The following DLGAP2 variants were observed in gnomAD, a reference collection of about 807,000 sequenced individuals.
DLGAP2 encodes DLG associated protein 2.
A neutral mutation model predicts 100.3 loss-of-function variants in DLGAP2; 26 were observed. The ratio of observed to expected loss-of-function variants is 0.26; its 90% CI spans 0.19 to 0.36. The LOEUF is 0.36. DLGAP2 is among the 10% of genes least tolerant of loss of function. The pLI is 1.00. For missense variants in DLGAP2, 1,858 were observed against 1,453.2 expected (o/e 1.28, Z -4.53); for synonymous variants, 886 against 630.1 (o/e 1.41, Z -6.08).
chr8:1,555,121 C>T (rs1801916528), intron 5 of DLGAP2, among the ~76,000 whole-genome samples: 1 of 152,092 alleles, frequency 6.6e-6, no homozygotes, highest in South Asian at 2.1e-4. Context: ...TGTGGCCACA[C>T]CTCACTTCCA....
At chr8:1,326,786 A>G (rs1801032599) in intron 3 of DLGAP2, among the ~76,000 whole-genome samples, 1 of 152,186 alleles carries the variant, frequency 6.6e-6, no homozygotes, top group Non-Finnish European at 1.5e-5. Context: ...AGCTGTTTCC[A>G]TCTCTCATTT....
chr8:1,088,385 C>T (rs1210601018), intron 2 of DLGAP2, among the ~76,000 whole-genome samples: 1 of 151,112 alleles, frequency 6.6e-6, no homozygotes, highest in African/African-American at 2.4e-5. Flanking sequence ...AGGTGAAAAG[C>T]TTTTCTCCTC....
chr8:769,270 C>T (rs1821295481), intron 1 of DLGAP2, among the ~76,000 whole-genome samples: 3 of 152,090 alleles, frequency 2.0e-5, no homozygotes, highest in African/African-American at 4.8e-5. Flanking sequence ...TCTTGGGTCT[C>T]AGCAGGGAAG....
At chr8:912,409 G>T (rs1348124685) in intron 2 of DLGAP2, among the ~76,000 whole-genome samples, 1 of 152,276 alleles carries the variant, frequency 6.6e-6, no homozygotes. Context: ...CTGAAATCAG[G>T]TCCCCGCAGC....
At chr8:1,345,056 C>A (rs1388541453) in intron 3 of DLGAP2, among the ~76,000 whole-genome samples, 1 of 152,170 alleles carries the variant, frequency 6.6e-6, no homozygotes, top group African/African-American at 2.4e-5. Flanking sequence ...TTTGAAAGCT[C>A]AGTTATCTGG....
At chr8:938,897 C>G (rs562416216) in intron 2 of DLGAP2, among the ~76,000 whole-genome samples, 5 of 152,338 alleles carry the variant, frequency 3.3e-5, no homozygotes, top group African/African-American at 7.2e-5. Flanking sequence ...TGCCTTAAGC[C>G]CCGAGGAAGA....
In DLGAP2 at chr8:1,697,926, A is replaced by G. The variant is rs185088376; in HGVS notation, c.2949+627A>G. ...AAGAACTAGTAGATAGTTCTGAGTT[A>G]GCAGCAAAGACATAGATTTCCTCAC... On this transcript the variant is annotated intron_variant, in intron 14 of 14. Transcript: ENST00000637795. Among the ~76,000 whole-genome samples the G allele has an allele frequency of 4.6e-5, 7 of 152,390 alleles. No individual in the cohort carries two copies. In the East Asian group the frequency reaches 9.6e-4, roughly 21 times the overall value.
At chr8:999,909 GAC>G (rs1435719675) in intron 2 of DLGAP2, among the ~76,000 whole-genome samples, 11 of 151,618 alleles carry the variant, frequency 7.3e-5, no homozygotes, top group African/African-American at 2.7e-4. Flanking sequence ...CTCTAGAGCA[GAC>G]AGATCCGGGT....
intron 2 of DLGAP2, among the ~76,000 whole-genome samples, chr8:1,226,021 C>A: frequency 6.6e-6 from 1 of 151,778 alleles, no homozygotes; most frequent in Non-Finnish European, 1.5e-5. Context: ...GGTATATATG[C>A]ATATATATGG....
In DLGAP2 at chr8:1,197,321, C is replaced by G. The variant is rs573531888; in HGVS notation, c.74-61530C>G. Among the ~76,000 whole-genome samples the G allele has an allele frequency of 4.6e-5, 7 of 152,370 alleles. No homozygotes were observed. In the East Asian group the frequency reaches 1.4e-3, roughly 29 times the overall value. Reference sequence around the variant, plus strand: ...CCTGTCCATGCTGACACAGAATTCACCACGACACCCTCCCTCCTCTTCTGC... The same window carrying G: ...CCTGTCCATGCTGACACAGAATTCAGCACGACACCCTCCCTCCTCTTCTGC... On this transcript the variant is annotated intron_variant, in intron 2 of 14. Transcript: ENST00000637795.
rs150757446 is a variant in DLGAP2, at chr8:1,586,283, C to T, written c.1442+20389C>T. On this transcript the variant is annotated intron_variant, in intron 6 of 14. Transcript: ENST00000637795. The stretch of plus-strand genomic sequence containing the variant: ...CATCAAGATGTTACAGTTGCGGGAC[C>T]GAAGCCCCGTGTCCTTGTTGTCAGC... Among the ~76,000 whole-genome samples, 490 of 152,296 alleles carry T rather than the reference C, an allele frequency of 3.2e-3. 6 individuals are homozygous for T. Among genetic ancestry groups the T allele is most frequent in the East Asian group, 0.02 (102 of 5,168 alleles).
chr8:1,348,557 C>T (rs1048284884), intron 3 of DLGAP2, among the ~76,000 whole-genome samples: 26 of 150,710 alleles, frequency 1.7e-4, no homozygotes, highest in African/African-American at 5.4e-4. Context: ...GCATTGCACT[C>T]GTGGTAGCTA....
At chr8:1,211,840 A>G (rs532707559) in intron 2 of DLGAP2, among the ~76,000 whole-genome samples, 3 of 152,246 alleles carry the variant, frequency 2.0e-5, no homozygotes, top group Non-Finnish European at 4.4e-5. Flanking sequence ...GTGCCATTGC[A>G]CTCCAGCCTG....
At chr8:1,095,008 C>T (rs1804319992) in intron 2 of DLGAP2, among the ~76,000 whole-genome samples, 2 of 152,126 alleles carry the variant, frequency 1.3e-5, no homozygotes, top group African/African-American at 4.8e-5. Flanking sequence ...CCAGGTGGAC[C>T]ACCTTCCCAA....
At chr8:1,559,497 G>T (rs189788730) in intron 5 of DLGAP2, among the ~76,000 whole-genome samples, 1 of 152,248 alleles carries the variant, frequency 6.6e-6, no homozygotes, top group Non-Finnish European at 1.5e-5. Flanking sequence ...ATTGACTCTG[G>T]TTGACATTCT....
chr8:1,309,438 C>G (rs1159537189), intron 3 of DLGAP2, among the ~76,000 whole-genome samples: 1 of 151,586 alleles, frequency 6.6e-6, no homozygotes, highest in African/African-American at 2.4e-5. Context: ...CCATGGAAGA[C>G]AAAAGAGAAT....
chr8:1,217,612 C>T (rs1283671369), intron 2 of DLGAP2, among the ~76,000 whole-genome samples: 1 of 152,046 alleles, frequency 6.6e-6, no homozygotes, highest in Non-Finnish European at 1.5e-5. Flanking sequence ...TTGTAGAGAC[C>T]TTTCACCTCC....
At chr8:1,628,778 G>A (rs1478949013) in intron 7 of DLGAP2, among the ~76,000 whole-genome samples, 1 of 147,298 alleles carries the variant, frequency 6.8e-6, no homozygotes, top group Non-Finnish European at 1.5e-5. Flanking sequence ...GGGATTAAGA[G>A]CCTGAGCGCA....
chr8:1,285,491 C>G (rs764692558), intron 3 of DLGAP2, among the ~76,000 whole-genome samples: 1 of 152,102 alleles, frequency 6.6e-6, no homozygotes, highest in Non-Finnish European at 1.5e-5. Flanking sequence ...GAAGGCCTGT[C>G]TGGATTCTGT....
Sources: allele counts gnomAD v4.1 joint callset (sites outside exome capture counted in the v4.1 genomes callset), GRCh38; gene constraint gnomAD v4.1.1; transcripts MANE v1.5; gene names NCBI Gene and HGNC (gene_info 2026-07-23, HGNC 2026-07-21).